The following COMMD10 variants were observed in gnomAD, a reference collection of about 807,000 sequenced individuals.
COMMD10 encodes the protein COMM domain containing 10.
A neutral mutation model predicts 28.9 loss-of-function variants in COMMD10; 33 were observed. The observed-to-expected ratio is 1.14, with a 90% CI of 0.87 to 1.53. The LOEUF (loss-of-function observed/expected upper bound fraction) is 1.53. Among genes scored for constraint, COMMD10 ranks in the 40% most tolerant of loss-of-function variants. The pLI is 0.00. For missense variants in COMMD10, 310 were observed against 233.4 expected, an observed-to-expected ratio of 1.33 and a Z score of -2.14; for synonymous variants, 110 against 81.7, an observed-to-expected ratio of 1.35 and a Z score of -1.87.
chr5:116,122,884 C>T (rs954070506), intron 4 of COMMD10, among the ~76,000 whole-genome samples: 5 of 152,214 alleles, frequency 3.3e-5, no homozygotes, highest in Middle Eastern at 3.4e-3. Context: ...TGGGCTGAGA[C>T]GATGGGGTTT....
At chr5:116,291,388 A>T in intron 5 of COMMD10, 129 bp from the exon 6 acceptor site, 1 of 650,698 alleles carries the variant, frequency 1.5e-6, no homozygotes, top group South Asian at 1.9e-5. Flanking sequence ...GGTTGAGTAG[A>T]GCAGGTAAGC....
intron 5 of COMMD10, among the ~76,000 whole-genome samples, chr5:116,242,806 C>G (rs1461308000): frequency 6.6e-6 from 1 of 152,000 alleles, no homozygotes; most frequent in Non-Finnish European, 1.5e-5. Flanking sequence ...TTATGCTTCA[C>G]TAGAATGAAG....
intron 5 of COMMD10, among the ~76,000 whole-genome samples, chr5:116,152,548 C>T (rs1209498886): frequency 6.6e-6 from 1 of 150,568 alleles, no homozygotes. Flanking sequence ...CCTCAAAACA[C>T]CCCATTGAGG....
chr5:116,213,605 A>G (rs1488277260), intron 5 of COMMD10, among the ~76,000 whole-genome samples: 2 of 152,166 alleles, frequency 1.3e-5, no homozygotes, highest in Non-Finnish European at 2.9e-5. Flanking sequence ...GTTAAGGACC[A>G]ACGGATTTAT....
chr5:116,292,633 C>A lies in COMMD10; in HGVS notation c.*144C>A. On this transcript the variant is annotated 3_prime_UTR_variant, in exon 7 of 7. Coordinates refer to ENST00000274458, the MANE Select transcript of COMMD10 (RefSeq NM_016144.4). Reference sequence around the variant, plus strand: ...GGCTTATCACTTCTTAGACAAATAACAACCAATAGAGATCATTGTTAAGAA... The same window carrying A: ...GGCTTATCACTTCTTAGACAAATAAAAACCAATAGAGATCATTGTTAAGAA... The A allele has an allele frequency of 1.9e-6, 1 of 535,644 alleles. No individual in the cohort carries two copies. Among genetic ancestry groups the A allele is most frequent in the South Asian group, 3.9e-5 (1 of 25,814 alleles). 33.2% of individuals were successfully genotyped at this position (535,644 alleles called of 1,614,324 possible).
chr5:116,190,168 C>T (rs1748313014), intron 5 of COMMD10, among the ~76,000 whole-genome samples: 1 of 151,884 alleles, frequency 6.6e-6, no homozygotes, highest in African/African-American at 2.4e-5. Flanking sequence ...GCTGAGAAGA[C>T]CAAAATATCA....
At chr5:116,251,522 T>A (rs1181331430) in intron 5 of COMMD10, among the ~76,000 whole-genome samples, 3 of 147,024 alleles carry the variant, frequency 2.0e-5, no homozygotes. Flanking sequence ...AATTCCCACC[T>A]ATGAGTGAGA....
chr5:116,147,243 A>G (rs1752381618), intron 5 of COMMD10, among the ~76,000 whole-genome samples: 1 of 151,932 alleles, frequency 6.6e-6, no homozygotes, highest in African/African-American at 2.4e-5. Context: ...GGAGATTGAT[A>G]TTCATAAAGC....
intron 4 of COMMD10, among the ~76,000 whole-genome samples, chr5:116,114,238 G>A (rs979580099): frequency 1.3e-5 from 2 of 152,070 alleles, no homozygotes; most frequent in African/African-American, 4.8e-5. Flanking sequence ...GTTCCATGCA[G>A]GCTGATTATT....
At chr5:116,199,578 A>C (rs1748611087) in intron 5 of COMMD10, among the ~76,000 whole-genome samples, 1 of 148,716 alleles carries the variant, frequency 6.7e-6, no homozygotes, top group African/African-American at 2.6e-5. Flanking sequence ...TCAATTAAGA[A>C]TGAAACAAAG....
At chr5:116,152,341 C>G (rs1289241537) in intron 5 of COMMD10, among the ~76,000 whole-genome samples, 1 of 152,076 alleles carries the variant, frequency 6.6e-6, no homozygotes, top group Non-Finnish European at 1.5e-5. Flanking sequence ...CTTGAACTCT[C>G]TCCCTGTGGG....
chr5:116,277,226 C>T (rs1454995250), intron 5 of COMMD10, among the ~76,000 whole-genome samples: 1 of 151,796 alleles, frequency 6.6e-6, no homozygotes, highest in South Asian at 2.1e-4. Context: ...AAAATAAAAC[C>T]TTATTAGCTC....
intron 5 of COMMD10, among the ~76,000 whole-genome samples, chr5:116,271,679 T>C (rs560576262): frequency 6.6e-6 from 1 of 151,998 alleles, no homozygotes; most frequent in South Asian, 2.1e-4. Flanking sequence ...AAGGAGCCTA[T>C]GTCTACTTGG....
chr5:116,104,547 T>A (rs6891466), intron 4 of COMMD10, among the ~76,000 whole-genome samples: 11,694 of 152,224 alleles, frequency 0.077, 792 homozygotes, highest in African/African-American at 0.19. Context: ...GATTTTTGGT[T>A]GAGATGATGG....
intron 5 of COMMD10, among the ~76,000 whole-genome samples, chr5:116,146,317 TATTA>T (rs1284918846): frequency 6.6e-6 from 1 of 151,864 alleles, no homozygotes. Flanking sequence ...GATAGTAGAG[TATTA>T]ATTTCATAAT....
At chr5:116,209,402 A>G (rs555604124) in intron 5 of COMMD10, among the ~76,000 whole-genome samples, 13 of 152,322 alleles carry the variant, frequency 8.5e-5, no homozygotes, top group Middle Eastern at 3.4e-3. Flanking sequence ...GTTAATACTG[A>G]TTTCAAAATA....
intron 4 of COMMD10, among the ~76,000 whole-genome samples, chr5:116,099,520 A>G (rs1750584200): frequency 6.6e-6 from 1 of 152,102 alleles, no homozygotes; most frequent in African/African-American, 2.4e-5. Flanking sequence ...GAACCTCCAT[A>G]CTGTTTTTCA....
At chr5:116,165,759 T>C (rs1274619625) in intron 5 of COMMD10, among the ~76,000 whole-genome samples, 2 of 152,144 alleles carry the variant, frequency 1.3e-5, no homozygotes, top group Non-Finnish European at 2.9e-5. Flanking sequence ...TCTCTTCTTA[T>C]AAAGGCACTC....
intron 5 of COMMD10, among the ~76,000 whole-genome samples, chr5:116,155,803 A>T (rs1377558572): frequency 6.6e-6 from 1 of 152,096 alleles, no homozygotes; most frequent in Non-Finnish European, 1.5e-5. Flanking sequence ...ACACTGCTTT[A>T]AACAATAGGG....
Sources: allele counts gnomAD v4.1 joint callset (sites outside exome capture counted in the v4.1 genomes callset), GRCh38; gene constraint gnomAD v4.1.1; transcripts MANE v1.5; gene names NCBI Gene and HGNC (gene_info 2026-07-23, HGNC 2026-07-21).